ZNF821: variants seen among roughly 807,000 people sequenced by gnomAD.
ZNF821 encodes zinc finger protein 821.
ZNF821 carries 16 observed loss-of-function variants against 44.3 expected under a neutral mutation model. The ratio of observed to expected loss-of-function variants is 0.36; its 90% CI spans 0.24 to 0.55. The LOEUF is 0.55. Ranked by LOEUF, ZNF821 falls within the 20% of genes least tolerant of loss-of-function variation. The probability of loss-of-function intolerance (pLI) is 0.86; values close to 1 mark genes in which losing one functional copy is unlikely to be tolerated. For synonymous variants in ZNF821, 204 were observed against 197.6 expected (o/e 1.03, Z -0.27); for missense variants, 436 against 547.6 (o/e 0.80, Z 2.03).
chr16:71,859,925 GCCTCGTGGGTGGCAGCAGCACTGGT>G lies in ZNF821; in HGVS notation c.*68_*92del. 1 of 1,362,242 alleles carries G rather than the reference GCCTCGTGGGTGGCAGCAGCACTGGT, an allele frequency of 7.3e-7. No homozygotes were observed. The highest frequency in any genetic ancestry group is 9.7e-7 in the Non-Finnish European group (1 of 1,031,416). 84.4% of individuals were successfully genotyped at this position (1,362,242 alleles called of 1,614,324 possible). A position where few individuals can be genotyped will look rare whatever the true frequency, so the allele number is the denominator to read the frequency against. On this transcript the variant is annotated 3_prime_UTR_variant, in exon 8 of 8. Coordinates refer to ENST00000425432, the MANE Select transcript of ZNF821 (RefSeq NM_001201552.2). ...GCCTGCCTCTGGCAGCAAGGACAGG[GCCTCGTGGGTGGCAGCAGCACTGGT>G]CCTCGTGGCTGTGGGTGTGGGTGGG...
intron 4 of ZNF821, among the ~76,000 whole-genome samples, chr16:71,865,427 T>G (rs2034427993): frequency 6.6e-6 from 1 of 152,214 alleles, no homozygotes; most frequent in South Asian, 2.1e-4. Context: ...CACTTTCCAC[T>G]GATTTTGCCA....
chr16:71,870,155 G>A (rs1217961747), intron 3 of ZNF821, among the ~76,000 whole-genome samples: 1 of 152,088 alleles, frequency 6.6e-6, no homozygotes, highest in Admixed American at 6.6e-5. Context: ...ACAAATGATG[G>A]TTCTGATACC....
At chr16:71,863,420 T>TG (rs2034152067) in intron 6 of ZNF821, among the ~76,000 whole-genome samples, 1 of 146,048 alleles carries the variant, frequency 6.8e-6, no homozygotes, top group Non-Finnish European at 1.5e-5. Context: ...TTTTTTTTTT[T>TG]TAATACAGTC....
chr16:71,885,781 AATT>A (rs1290156973), upstream of ZNF821, among the ~76,000 whole-genome samples: 5 of 152,208 alleles, frequency 3.3e-5, no homozygotes, highest in Non-Finnish European at 7.3e-5. Flanking sequence ...CTTAGATAGC[AATT>A]ATTGTTGTTT....
At chr16:71,892,354 C>T (rs906429672) in intron 1 of ZNF821, among the ~76,000 whole-genome samples, 1 of 150,884 alleles carries the variant, frequency 6.6e-6, no homozygotes, top group Admixed American at 6.6e-5. Flanking sequence ...GCAAGCTCCG[C>T]CTCCCGGGTT....
intron 2 of ZNF821, 67 bp downstream of exon 2, chr16:71,883,144 C>G (rs776273486): frequency 4.4e-6 from 2 of 456,450 alleles, no homozygotes; most frequent in South Asian, 3.1e-5. Flanking sequence ...CTAGGGCACA[C>G]CACAGACTTT....
rs550013311 is a variant in ZNF821, at chr16:71,867,636, A to C, written c.166+276T>G. The stretch of plus-strand genomic sequence containing the variant: ...GGGAGGTGGAGGTTGCAGTGAGCTG[A>C]GATCATGCCAATGCACTCCAGCCTG... On this transcript the variant is annotated intron_variant, in intron 4 of 7. Coordinates refer to ENST00000425432, the MANE Select transcript of ZNF821 (RefSeq NM_001201552.2). 7.8e-4 allele frequency among the ~76,000 whole-genome samples: 118 copies of C among 152,084 alleles called. 1 individual carries two copies. Among genetic ancestry groups the C allele is most frequent in the African/African-American group, 2.8e-3 (115 of 41,468 alleles).
Position 71,860,333 on chromosome 16 carries a change from G to A in ZNF821, c.924C>T (p.Arg308=), listed in dbSNP as rs761183922. 1.9e-6 allele frequency: 3 copies of A among 1,612,044 alleles called. No individual in the cohort carries two copies. The highest frequency in any genetic ancestry group is 1.7e-5 in the Admixed American group (1 of 60,002). The change falls in exon 8 of 8, where the codon CGC becomes CGT. Residue 308 remains arginine, a synonymous_variant. Transcript: ENST00000425432. The surrounding 1 kb of genome is among the most constrained non-coding windows in gnomAD (Gnocchi z 7.3). ...MRDREAKRLQ[R]MQETDEQRAR... is the part of the protein sequence containing the mutation. ...CCCGCTGCTCGTCTGTCTCCTGCAT[G>A]CGCTGCAAGCGCTTGGCTTCACGGT...
rs1391414237 is a variant in ZNF821 at position 71,865,019 on chromosome 16, T to C, written c.196A>G (p.Thr66Ala). 6.2e-7 allele frequency: 1 copy of C among 1,614,118 alleles called. No homozygotes were observed. The highest frequency in any genetic ancestry group is 1.3e-5 in the African/African-American group (1 of 74,942). The change falls in exon 5 of 8, where the codon ACA becomes GCA. Residue 66 changes from threonine to alanine, a missense_variant. Coordinates refer to ENST00000425432, the MANE Select transcript of ZNF821 (RefSeq NM_001201552.2). ...GTGTGGGAAGAGACTTCATCTTGTG[T>C]CGTCTCCTCTTCATCACCCTCACTG... The part of the protein sequence containing the change: ...SDSEGDEEET[T>A]QDEVSSHTSE...
chr16:71,883,279 A>C lies in ZNF821; in HGVS notation c.-140-6T>G. 2.2e-6 allele frequency: 1 copy of C among 449,814 alleles called. No homozygotes were observed. Among genetic ancestry groups the C allele is most frequent in the Non-Finnish European group, 4.5e-6 (1 of 223,922 alleles). The allele number at this position is 449,814 out of a possible 1,614,324, so 27.9% of individuals were successfully genotyped here. On this transcript the variant is annotated splice_region_variant and splice_polypyrimidine_tract_variant and intron_variant, in intron 1 of 7. Coordinates refer to ENST00000425432, the MANE Select transcript of ZNF821 (RefSeq NM_001201552.2). ...TGAATCCAAGTGATCTGTATCTGCC[A>C]AAAAGGAGAGGACAAGAAAGCTGGT...
In ZNF821 at chr16:71,859,779, A is replaced by G; in HGVS notation, c.*239T>C. 1.9e-6 allele frequency: 1 copy of G among 531,348 alleles called. No individual in the cohort carries two copies. Among genetic ancestry groups the G allele is most frequent in the Non-Finnish European group, 3.3e-6 (1 of 303,252 alleles). 32.9% of individuals were successfully genotyped at this position (531,348 alleles called of 1,614,324 possible). On this transcript the variant is annotated 3_prime_UTR_variant, in exon 8 of 8. Coordinates refer to ENST00000425432, the MANE Select transcript of ZNF821 (RefSeq NM_001201552.2). ...CACAGCCTGTGGCAGTGGGCTGGGG[A>G]GGCCAGTTCTCTGGACTGCCTGCTC...
intron 3 of ZNF821, among the ~76,000 whole-genome samples, chr16:71,875,712 T>A (rs2035737390): frequency 6.6e-6 from 1 of 152,148 alleles, no homozygotes. Flanking sequence ...TCCGCCGGCC[T>A]CGCCCTCCCG....
At chr16:71,885,040 T>A (rs1400495482), upstream of ZNF821, among the ~76,000 whole-genome samples, 1 of 152,010 alleles carries the variant, frequency 6.6e-6, no homozygotes, top group Non-Finnish European at 1.5e-5. Flanking sequence ...GTATTTTTAG[T>A]AGACGGGGTT....
intron 3 of ZNF821, among the ~76,000 whole-genome samples, chr16:71,870,136 G>C (rs765956070): frequency 1.3e-5 from 2 of 152,116 alleles, no homozygotes; most frequent in African/African-American, 2.4e-5. Flanking sequence ...GCCAGTATAT[G>C]ATCAAAAGAC....
Position 71,860,417 on chromosome 16 carries a change from G to A in ZNF821, c.840C>T (p.Ala280=). The change falls in exon 8 of 8, where the codon GCC becomes GCT. Residue 280 remains alanine, a synonymous_variant. Coordinates refer to ENST00000425432, the MANE Select transcript of ZNF821 (RefSeq NM_001201552.2). This position sits in a 1 kb window ranked among gnomAD's most constrained non-coding sequence, Gnocchi z 7.3. ...TCTCATTGTCCCGCCGGCTCTTCTT[G>A]GCCGTGCGCTCTCGTTCCAGCCGCT... The part of the protein sequence containing the change: ...RLQRLERERT[A]KKSRRDNETP... 1 of 1,613,124 alleles carries A rather than the reference G, an allele frequency of 6.2e-7. No homozygotes were observed. The highest frequency in any genetic ancestry group is 8.5e-7 in the Non-Finnish European group (1 of 1,180,030).
intron 4 of ZNF821, 61 bp downstream of exon 4, chr16:71,867,851 A>C (rs2034729434): frequency 1.3e-6 from 2 of 1,523,172 alleles, no homozygotes; most frequent in Non-Finnish European, 1.8e-6. Flanking sequence ...CCCAGAGCAC[A>C]CACACTCTGA....
chr16:71,884,960 C>T (rs1439514101), upstream of ZNF821, among the ~76,000 whole-genome samples: 1 of 150,710 alleles, frequency 6.6e-6, no homozygotes, highest in Non-Finnish European at 1.5e-5. Context: ...CAGGTTCAAG[C>T]GATTCTCGTG....
chr16:71,882,731 G>A (rs2036562880), intron 2 of ZNF821, among the ~76,000 whole-genome samples: 1 of 152,126 alleles, frequency 6.6e-6, no homozygotes, highest in Non-Finnish European at 1.5e-5. Flanking sequence ...TGGGGTCATG[G>A]GCTGTTGAAA....
intron 3 of ZNF821, among the ~76,000 whole-genome samples, chr16:71,872,941 T>G (rs1371945912): frequency 2.0e-5 from 3 of 152,252 alleles, no homozygotes; most frequent in Non-Finnish European, 4.4e-5. Context: ...GGTTTTCATT[T>G]GCTTAGTGGT....
Sources: gnomAD v4.1 joint callset for allele counts (sites outside exome capture counted in the v4.1 genomes callset) on GRCh38, gnomAD v4.1.1 for gene constraint, Gnocchi (gnomAD v3.1) non-coding constraint, MANE v1.5 for transcripts, NCBI Gene and HGNC (gene_info 2026-07-23, HGNC 2026-07-21) for gene names.